Variants in SLC7A8 observed in about 807,000 individuals in gnomAD.
The protein encoded by SLC7A8 is large neutral amino acids transporter small subunit 2.
SLC7A8 carries 30 observed loss-of-function variants against 51.2 expected under a neutral mutation model. That is an observed-to-expected ratio of 0.59 (90% confidence interval 0.44 to 0.80). The LOEUF (loss-of-function observed/expected upper bound fraction) is 0.80. Ranked by LOEUF, SLC7A8 falls within the 30% of genes least tolerant of loss-of-function variation. SLC7A8 has a pLI of 0.00. For synonymous variants in SLC7A8, 257 were observed against 275.8 expected (o/e 0.93, Z 0.67); for missense variants, 612 against 674.4 (o/e 0.91, Z 1.03).
At position 23,129,710 on chromosome 14, in the gene SLC7A8, G is replaced by A. The variant is rs1388142116; in HGVS notation, c.1203C>T (p.Val401=). 5.6e-6 allele frequency: 9 copies of A among 1,614,220 alleles called. No homozygotes were observed. Among genetic ancestry groups the A allele is most frequent in the Middle Eastern group, 1.6e-4 (1 of 6,062 alleles). Residue 401 remains valine (V), a synonymous_variant, in exon 9 of 11, where the codon GTC becomes GTT. Coordinates refer to ENST00000316902, the MANE Select transcript of SLC7A8 (RefSeq NM_012244.4). ...GAAGGACTATCTGTCCAGCAACCGT[G>A]ACCCCATAGAAGAGGTAGTTGATGA... is the stretch of plus-strand genomic sequence containing the variant. ...VGFINYLFYG[V]TVAGQIVLRW...
At chr14:23,180,108 G>T (rs369382584) in intron 1 of SLC7A8, among the ~76,000 whole-genome samples, 5 of 152,002 alleles carry the variant, frequency 3.3e-5, no homozygotes, top group East Asian at 1.9e-4. Flanking sequence ...AGGTTTCACC[G>T]TGTTAGCCAG....
At chr14:23,176,421 A>G (rs1444297027) in intron 1 of SLC7A8, among the ~76,000 whole-genome samples, 1 of 152,166 alleles carries the variant, frequency 6.6e-6, no homozygotes, top group Non-Finnish European at 1.5e-5. Context: ...CATGCAATAT[A>G]TATCAGCCTC....
chr14:23,159,801 C>T (rs1489961493), intron 3 of SLC7A8, among the ~76,000 whole-genome samples: 1 of 152,174 alleles, frequency 6.6e-6, no homozygotes, highest in Non-Finnish European at 1.5e-5. Context: ...CCTTTCCTTT[C>T]CAAATAGCTC....
chr14:23,152,074 A>G (rs959710865), intron 3 of SLC7A8, among the ~76,000 whole-genome samples: 3 of 152,048 alleles, frequency 2.0e-5, no homozygotes, highest in Non-Finnish European at 2.9e-5. Flanking sequence ...AAACAAAAGC[A>G]AAGAAAAAAA....
chr14:23,178,854 CA>C (rs1233820187), intron 1 of SLC7A8, among the ~76,000 whole-genome samples: 1 of 134,818 alleles, frequency 7.4e-6, no homozygotes, highest in Non-Finnish European at 1.5e-5. Flanking sequence ...CACTGTACTC[CA>C]GCCTGGTTAA....
chr14:23,176,497 G>A (rs564520595), intron 1 of SLC7A8, among the ~76,000 whole-genome samples: 2 of 152,290 alleles, frequency 1.3e-5, no homozygotes, highest in Non-Finnish European at 2.9e-5. Flanking sequence ...AGTCATCTCA[G>A]TTATCAGTGG....
rs2048582270 is a variant in SLC7A8, at chr14:23,126,921, C to T, written c.*256G>A. On this transcript the variant is annotated 3_prime_UTR_variant, in exon 11 of 11. Coordinates refer to ENST00000316902, the MANE Select transcript of SLC7A8 (RefSeq NM_012244.4). Reference sequence around the variant, plus strand: ...CCTGCAGGGCACCTTGGCATCTCCCCTCTCCTCCAGCAGCTGGGAGTGTGG... The same window carrying T: ...CCTGCAGGGCACCTTGGCATCTCCCTTCTCCTCCAGCAGCTGGGAGTGTGG... 1 of 524,360 alleles carries T rather than the reference C, an allele frequency of 1.9e-6. No individual in the cohort carries two copies. Among genetic ancestry groups the T allele is most frequent in the Non-Finnish European group, 3.4e-6 (1 of 292,798 alleles). 32.5% of individuals were successfully genotyped at this position (524,360 alleles called of 1,614,324 possible).
rs1390306524 is a variant in SLC7A8, at chr14:23,139,551, T to C, written c.789-4A>G. On this transcript the variant is annotated splice_polypyrimidine_tract_variant and splice_region_variant and intron_variant, in intron 5 of 10. Coordinates refer to ENST00000316902, the MANE Select transcript of SLC7A8 (RefSeq NM_012244.4). Reference sequence around the variant, plus strand: ...GAAGATGGCTCTGGGAAGGTTCCTGTAGAGGGAGAGGAGGTGAGGGGAAGG... The same window carrying C: ...GAAGATGGCTCTGGGAAGGTTCCTGCAGAGGGAGAGGAGGTGAGGGGAAGG... 21 of 1,612,122 alleles carry C rather than the reference T, an allele frequency of 1.3e-5. No individual in the cohort carries two copies. Among genetic ancestry groups the C allele is most frequent in the Admixed American group, 1.7e-5 (1 of 59,910 alleles).
rs1216973560 is a variant in SLC7A8, at chr14:23,128,559, G to A, written c.1264-363C>T. On this transcript the variant is annotated intron_variant, in intron 9 of 10. Transcript: ENST00000316902. The surrounding 1 kb of genome is among the most constrained non-coding windows in gnomAD (Gnocchi z 4.3). ...GAGAAGCTTGCTGGCACATGGGTGT[G>A]TCTGCTGAGGTCCTAGGGTGGAGGG... Among the ~76,000 whole-genome samples the A allele has an allele frequency of 6.6e-6, 1 of 152,240 alleles. No homozygotes were observed. Among genetic ancestry groups the A allele is most frequent in the Non-Finnish European group, 1.5e-5 (1 of 68,048 alleles).
intron 5 of SLC7A8, among the ~76,000 whole-genome samples, chr14:23,140,179 A>G (rs2048729618): frequency 7.2e-5 from 11 of 152,168 alleles, no homozygotes. Context: ...CAAGATTCCC[A>G]GAAGCCTCTC....
intron 1 of SLC7A8, among the ~76,000 whole-genome samples, chr14:23,175,634 A>G (rs1206639664): frequency 2.6e-5 from 4 of 152,182 alleles, no homozygotes; most frequent in African/African-American, 9.6e-5. Flanking sequence ...CTAGTCAGTC[A>G]TTCTGCGTAA....
In SLC7A8 at chr14:23,182,049, A is replaced by G. The variant is rs1265702426; in HGVS notation, c.151+715T>C. ...ACTCCATATTCTACACATTCTAGTTACTCCTGATTCCCTCTGAGAGCTTCA... is the reference window on the plus strand; with the variant it reads ...ACTCCATATTCTACACATTCTAGTTGCTCCTGATTCCCTCTGAGAGCTTCA... On this transcript the variant is annotated intron_variant, in intron 1 of 10. Coordinates refer to ENST00000316902, the MANE Select transcript of SLC7A8 (RefSeq NM_012244.4). 2.3e-4 allele frequency among the ~76,000 whole-genome samples: 35 copies of G among 152,098 alleles called. 1 individual carries two copies. The highest frequency in any genetic ancestry group is 2.3e-3 in the Admixed American group (35 of 15,264).
chr14:23,166,611 G>A (rs1295741184), intron 1 of SLC7A8, 71 bp from the exon 2 acceptor site: 2 of 1,517,338 alleles, frequency 1.3e-6, no homozygotes, highest in Admixed American at 3.4e-5. Context: ...GGCATTTGGA[G>A]GGTGGTCTCA....
At chr14:23,132,698 C>T (rs945516392) in intron 7 of SLC7A8, among the ~76,000 whole-genome samples, 17 of 150,626 alleles carry the variant, frequency 1.1e-4, no homozygotes, top group Non-Finnish European at 2.2e-4. Flanking sequence ...TGCAATAGCA[C>T]GATCTTGGTT....
At chr14:23,144,496 G>A (rs1387077567) in intron 3 of SLC7A8, among the ~76,000 whole-genome samples, 1 of 152,072 alleles carries the variant, frequency 6.6e-6, no homozygotes, top group Non-Finnish European at 1.5e-5. Flanking sequence ...ATGGGGAGTT[G>A]TAATTCTCTA....
intron 3 of SLC7A8, among the ~76,000 whole-genome samples, chr14:23,145,221 TCTTTG>T (rs2048781927): frequency 6.6e-6 from 1 of 151,370 alleles, no homozygotes. Context: ...GGGATGCATT[TCTTTG>T]TATTAAAATG....
At chr14:23,148,253 A>G (rs2048815368) in intron 3 of SLC7A8, among the ~76,000 whole-genome samples, 1 of 151,848 alleles carries the variant, frequency 6.6e-6, no homozygotes, top group Non-Finnish European at 1.5e-5. Flanking sequence ...TTGGAGACAG[A>G]GTTTCGCTCT....
intron 3 of SLC7A8, among the ~76,000 whole-genome samples, chr14:23,160,903 AAGAG>A (rs1479657453): frequency 2.0e-5 from 3 of 152,108 alleles, no homozygotes; most frequent in Non-Finnish European, 2.9e-5. Flanking sequence ...TGTTCTGGAG[AAGAG>A]AGAAAGGCTT....
intron 7 of SLC7A8, among the ~76,000 whole-genome samples, chr14:23,136,847 C>T (rs758231760): frequency 3.3e-5 from 5 of 152,226 alleles, no homozygotes; most frequent in Non-Finnish European, 2.9e-5. Flanking sequence ...GCGGGGCCTC[C>T]GTGTGGCCAC....
Sources: gnomAD v4.1 joint callset for allele counts (sites outside exome capture counted in the v4.1 genomes callset) on GRCh38, gnomAD v4.1.1 for gene constraint, Gnocchi (gnomAD v3.1) non-coding constraint, MANE v1.5 for transcripts, NCBI Gene and HGNC (gene_info 2026-07-23, HGNC 2026-07-21) for gene names.